REEP3: variants seen among roughly 807,000 people sequenced by gnomAD.
The protein encoded by REEP3 is receptor expression-enhancing protein 3.
A neutral mutation model predicts 41.3 loss-of-function variants in REEP3; 20 were observed. That is an observed-to-expected ratio of 0.48 (90% CI 0.34 to 0.70). The LOEUF is 0.70. REEP3 is among the 30% of genes least tolerant of loss of function. The pLI, the probability that REEP3 is intolerant of heterozygous loss-of-function variation, is 0.01. For missense variants in REEP3, 271 were observed against 308.8 expected, an observed-to-expected ratio of 0.88 and a Z score of 0.92; for synonymous variants, 104 against 101.8, an observed-to-expected ratio of 1.02 and a Z score of -0.13.
intron 1 of REEP3, among the ~76,000 whole-genome samples, chr10:63,557,805 G>A (rs554192384): frequency 6.6e-6 from 1 of 152,246 alleles, no homozygotes; most frequent in Non-Finnish European, 1.5e-5. Context: ...TAAAAATTTG[G>A]TGAGTACAAA....
At chr10:63,531,852 C>T (rs528673159) in intron 1 of REEP3, among the ~76,000 whole-genome samples, 2 of 152,170 alleles carry the variant, frequency 1.3e-5, no homozygotes, top group East Asian at 3.9e-4. Context: ...ATAGCTCTGG[C>T]TTAAGAATAT....
rs1554804603 is a variant in REEP3, at chr10:63,556,622, T to TGG, written c.33-9716_33-9715insGG. ...TTGTTTTCTGTTTGCTTGTTTTTTT[T>TGG]TTTGTTGTTTTGTTTTTTTTTTTTT... is the stretch of plus-strand genomic sequence containing the variant. On this transcript the variant is annotated intron_variant, in intron 1 of 7. Transcript: ENST00000373758. Among the ~76,000 whole-genome samples the TGG allele has an allele frequency of 2.4e-5, 2 of 82,138 alleles. 1 individual carries two copies. Among genetic ancestry groups the TGG allele is most frequent in the African/African-American group, 8.5e-5 (2 of 23,512 alleles). 53.9% of individuals were successfully genotyped at this position (82,138 alleles called of 152,430 possible).
chr10:63,582,145 T>C (rs772971925), intron 2 of REEP3, among the ~76,000 whole-genome samples: 1 of 152,234 alleles, frequency 6.6e-6, no homozygotes, highest in African/African-American at 2.4e-5. Context: ...TCTGCTAAAA[T>C]GCAGATTCTG....
chr10:63,581,310 A>G (rs1265386547), intron 2 of REEP3, among the ~76,000 whole-genome samples: 6 of 152,228 alleles, frequency 3.9e-5, no homozygotes, highest in Admixed American at 3.9e-4. Context: ...AAATACATAA[A>G]ATAAAATCAC....
intron 2 of REEP3, among the ~76,000 whole-genome samples, chr10:63,584,349 G>T (rs571699180): frequency 1.3e-5 from 2 of 151,474 alleles, no homozygotes; most frequent in Admixed American, 1.3e-4. Flanking sequence ...ATGGGCATGG[G>T]GGGAGAAGTA....
intron 1 of REEP3, among the ~76,000 whole-genome samples, chr10:63,530,183 TC>T (rs766994009): frequency 9.9e-5 from 15 of 152,100 alleles, no homozygotes; most frequent in Non-Finnish European, 1.9e-4. Context: ...GAAAAAATCC[TC>T]ATTTTTAAAT....
intron 2 of REEP3, among the ~76,000 whole-genome samples, chr10:63,576,650 A>G (rs769134757): frequency 1.3e-5 from 2 of 152,232 alleles, no homozygotes; most frequent in Non-Finnish European, 2.9e-5. Context: ...TTGTGTTGCC[A>G]TAACAAAAAC....
intron 2 of REEP3, among the ~76,000 whole-genome samples, chr10:63,575,128 A>G (rs1261609956): frequency 6.6e-6 from 1 of 152,102 alleles, no homozygotes; most frequent in Admixed American, 6.5e-5. Flanking sequence ...TGCTGAGATA[A>G]CAGGCATTAG....
Position 63,545,692 on chromosome 10 carries a change from T to TTG in REEP3, c.33-20645_33-20644insGT, listed in dbSNP as rs1410216400. Among the ~76,000 whole-genome samples the TTG allele has an allele frequency of 2.1e-5, 3 of 141,620 alleles. No homozygotes were observed. In the East Asian group the frequency reaches 6.2e-4, roughly 29 times the overall value. The allele number at this position is 141,620 out of a possible 152,430, so 92.9% of individuals were successfully genotyped here. A position where few individuals can be genotyped will look rare whatever the true frequency, so the allele number is the denominator to read the frequency against. ...CTGGCCAACTTCTGTTTTTTTTTTTTTTTTTTTTTTTTTGAGATGGAGTCT... is the reference window on the plus strand; with the variant it reads ...CTGGCCAACTTCTGTTTTTTTTTTTTTGTTTTTTTTTTTTTGAGATGGAGTCT... On this transcript the variant is annotated intron_variant, in intron 1 of 7. Coordinates refer to ENST00000373758, the MANE Select transcript of REEP3 (RefSeq NM_001001330.3).
chr10:63,620,099 A>AG (rs1266341931), intron 7 of REEP3, among the ~76,000 whole-genome samples: 1 of 151,324 alleles, frequency 6.6e-6, no homozygotes, highest in African/African-American at 2.4e-5. Context: ...CACCTGGCTA[A>AG]TTTTTTCATT....
In REEP3 at chr10:63,556,058, A is replaced by G. The variant is rs566059434; in HGVS notation, c.33-10280A>G. Among the ~76,000 whole-genome samples the G allele has an allele frequency of 7.6e-4, 115 of 152,126 alleles. 2 individuals are homozygous for G. The South Asian group carries it at 0.017, about 23-fold the overall frequency. On this transcript the variant is annotated intron_variant, in intron 1 of 7. Coordinates refer to ENST00000373758, the MANE Select transcript of REEP3 (RefSeq NM_001001330.3). ...CCTCTGGGGGAAAAATGCTACCTTG[A>G]AAAAAAACCAGAAAACCATTCTTAT... is the stretch of plus-strand genomic sequence containing the variant.
intron 1 of REEP3, among the ~76,000 whole-genome samples, chr10:63,525,957 T>C (rs1243691861): frequency 6.6e-6 from 1 of 152,208 alleles, no homozygotes; most frequent in Admixed American, 6.5e-5. Flanking sequence ...TTAAATACAT[T>C]ACTATATGTA....
intron 1 of REEP3, among the ~76,000 whole-genome samples, chr10:63,526,211 T>C (rs1400663718): frequency 6.6e-6 from 1 of 152,184 alleles, no homozygotes. Flanking sequence ...TCTGAAATCT[T>C]ATAAGCATCT....
rs1564495330 is a variant in REEP3 at position 63,624,383 on chromosome 10, C to T, written c.*3514C>T. 6.6e-6 allele frequency: 1 copy of T among 152,044 alleles called. No homozygotes were observed. Among genetic ancestry groups the T allele is most frequent in the Non-Finnish European group, 1.5e-5 (1 of 67,964 alleles). The allele number at this position is 152,044 out of a possible 1,614,324, so 9.4% of individuals were successfully genotyped here. ...TAATTATATTAACTCTTTTTTAAGA[C>T]ATTGACCATGACTTAACATTTTGCC... is the stretch of plus-strand genomic sequence containing the variant. On this transcript the variant is annotated 3_prime_UTR_variant, in exon 8 of 8. Coordinates refer to ENST00000373758, the MANE Select transcript of REEP3 (RefSeq NM_001001330.3).
At chr10:63,607,335 G>C (rs1388638321) in intron 5 of REEP3, among the ~76,000 whole-genome samples, 1 of 152,142 alleles carries the variant, frequency 6.6e-6, no homozygotes, top group Non-Finnish European at 1.5e-5. Flanking sequence ...GCCTTGAAGA[G>C]GTTGATAATA....
intron 2 of REEP3, among the ~76,000 whole-genome samples, chr10:63,573,830 A>G (rs1009071888): frequency 1.3e-5 from 2 of 152,220 alleles, no homozygotes; most frequent in African/African-American, 2.4e-5. Context: ...GATAATTTTG[A>G]TAAAAAGTAT....
chr10:63,594,928 G>A, intron 3 of REEP3, 74 bp downstream of exon 3: 1 of 905,130 alleles, frequency 1.1e-6, no homozygotes, highest in Admixed American at 1.9e-5. Context: ...TCCTGCTCTT[G>A]CTATTAACTG....
At chr10:63,543,326 C>T (rs1015214429) in intron 1 of REEP3, among the ~76,000 whole-genome samples, 5 of 152,080 alleles carry the variant, frequency 3.3e-5, no homozygotes, top group East Asian at 1.9e-4. Flanking sequence ...CACAGGGTCT[C>T]GCTGTGTTGC....
At position 63,620,862 on chromosome 10, in the gene REEP3, AT is replaced by A; in HGVS notation, c.766del (p.Ter256SerfsTer21). ...AAAGTGAAGAAACGACCACAAGTGTATTTTTAGTCATCTACACGTCAAATAT... is the reference window on the plus strand; with the variant it reads ...AAAGTGAAGAAACGACCACAAGTGTATTTTAGTCATCTACACGTCAAATAT... ...KYKVKKRPQV[Y>X]F On this transcript the variant is annotated frameshift_variant, in exon 8 of 8. Coordinates refer to ENST00000373758, the MANE Select transcript of REEP3 (RefSeq NM_001001330.3). LOFTEE classifies it high-confidence loss of function. 2 of 1,604,710 alleles carry A rather than the reference AT, an allele frequency of 1.2e-6. No individual in the cohort carries two copies. The highest frequency in any genetic ancestry group is 1.7e-6 in the Non-Finnish European group (2 of 1,173,006).
Sources: gnomAD v4.1 joint callset for allele counts (sites outside exome capture counted in the v4.1 genomes callset) on GRCh38, gnomAD v4.1.1 for gene constraint, MANE v1.5 for transcripts, NCBI Gene and HGNC (gene_info 2026-07-23, HGNC 2026-07-21) for gene names.